Variants in ADSS2 observed in about 807,000 individuals in gnomAD.
ADSS2 encodes adenylosuccinate synthetase isozyme 2.
A neutral mutation model predicts 60.0 loss-of-function variants in ADSS2; 30 were observed. That is an observed-to-expected ratio of 0.50 (90% CI 0.37 to 0.68). The LOEUF (loss-of-function observed/expected upper bound fraction) is 0.68. Ranked by LOEUF, ADSS2 falls within the 30% of genes least tolerant of loss-of-function variation. ADSS2 has a pLI of 0.00. For synonymous variants in ADSS2, 187 were observed against 193.1 expected, an observed-to-expected ratio of 0.97 and a Z score of 0.26; for missense variants, 373 against 554.8, an observed-to-expected ratio of 0.67 and a Z score of 3.29.
chr1:244,412,088 GC>G (rs1241981667), intron 11 of ADSS2, among the ~76,000 whole-genome samples: 10 of 152,238 alleles, frequency 6.6e-5, no homozygotes, highest in Admixed American at 2.6e-4. Flanking sequence ...GGGAGCTGCT[GC>G]CCCCCAGCAG....
intron 11 of ADSS2, among the ~76,000 whole-genome samples, chr1:244,414,737 C>T (rs1195849620): frequency 6.6e-6 from 1 of 152,214 alleles, no homozygotes; most frequent in Non-Finnish European, 1.5e-5. Context: ...GGGAGTACTG[C>T]ATGTTGCTGA....
intron 11 of ADSS2, among the ~76,000 whole-genome samples, chr1:244,413,644 G>A (rs1192457070): frequency 6.6e-6 from 1 of 152,064 alleles, no homozygotes; most frequent in Non-Finnish European, 1.5e-5. Flanking sequence ...AGAGAGAAGG[G>A]CCCCCCAGAA....
At chr1:244,449,160 C>T (rs564848475) in intron 1 of ADSS2, among the ~76,000 whole-genome samples, 6 of 152,246 alleles carry the variant, frequency 3.9e-5, no homozygotes, top group Admixed American at 1.3e-4. Context: ...AGAGTGAAAA[C>T]GCCACTAGGT....
chr1:244,411,821 A>G (rs1664424486), intron 11 of ADSS2, among the ~76,000 whole-genome samples: 1 of 152,226 alleles, frequency 6.6e-6, no homozygotes, highest in African/African-American at 2.4e-5. Flanking sequence ...AACTTCACAG[A>G]AAGAAGGCCT....
intron 3 of ADSS2, among the ~76,000 whole-genome samples, chr1:244,433,302 T>C (rs1408381450): frequency 6.6e-6 from 1 of 152,246 alleles, no homozygotes; most frequent in African/African-American, 2.4e-5. Flanking sequence ...TCTTTTCTTC[T>C]GTATAGGAAA....
chr1:244,420,042 T>C, intron 8 of ADSS2, 128 bp downstream of exon 8: 1 of 970,940 alleles, frequency 1.0e-6, no homozygotes, highest in South Asian at 2.2e-5. Context: ...ATGACAAATT[T>C]CATCATTCCT....
chr1:244,437,613 C>A, intron 2 of ADSS2, 53 bp downstream of exon 2: 1 of 1,235,686 alleles, frequency 8.1e-7, no homozygotes, highest in Non-Finnish European at 1.2e-6. Flanking sequence ...AAAATAAACG[C>A]CATTATCAAC....
chr1:244,449,053 C>G (rs1665468528), intron 1 of ADSS2, among the ~76,000 whole-genome samples: 2 of 152,142 alleles, frequency 1.3e-5, no homozygotes, highest in South Asian at 4.1e-4. Context: ...TCCTTTGATG[C>G]AAGTCCTACA....
intron 4 of ADSS2, 43 bp from the exon 5 acceptor site, chr1:244,424,430 C>T (rs1664749180): frequency 6.5e-7 from 1 of 1,529,892 alleles, no homozygotes; most frequent in Non-Finnish European, 9.0e-7. Flanking sequence ...AAAGATAATA[C>T]ACAAAAGCAA....
intron 11 of ADSS2, among the ~76,000 whole-genome samples, chr1:244,412,287 T>C (rs967573252): frequency 6.6e-6 from 1 of 152,226 alleles, no homozygotes; most frequent in Non-Finnish European, 1.5e-5. Context: ...CCCTCACAGA[T>C]GTTGTTGCTC....
chr1:244,430,257 A>C (rs555822840), intron 4 of ADSS2, among the ~76,000 whole-genome samples: 1 of 152,174 alleles, frequency 6.6e-6, no homozygotes, highest in Non-Finnish European at 1.5e-5. Flanking sequence ...GTCTAAAGTA[A>C]TTAAGTAACT....
Position 244,443,763 on chromosome 1 carries a change from G to A in ADSS2, c.184-5995C>T, listed in dbSNP as rs376652784. ...AGTAGGTGGTACTGACTATTCCACA[G>A]ATGGGGAGGCCTAGGCACGGAAAGG... On this transcript the variant is annotated intron_variant, in intron 1 of 12. Transcript: ENST00000366535. Among the ~76,000 whole-genome samples the A allele has an allele frequency of 7.9e-5, 12 of 152,288 alleles. No homozygotes were observed. The East Asian group carries it at 2.3e-3, about 29-fold the overall frequency.
At chr1:244,440,660 T>C (rs1403897119) in intron 1 of ADSS2, among the ~76,000 whole-genome samples, 3 of 152,204 alleles carry the variant, frequency 2.0e-5, no homozygotes, top group Non-Finnish European at 4.4e-5. Context: ...TCTCATACCC[T>C]TGCTGTAAGA....
At chr1:244,412,594 T>C (rs1664440164) in intron 11 of ADSS2, among the ~76,000 whole-genome samples, 1 of 152,222 alleles carries the variant, frequency 6.6e-6, no homozygotes, top group Non-Finnish European at 1.5e-5. Flanking sequence ...TAATGAAACC[T>C]GTCTGGCAGA....
intron 3 of ADSS2, among the ~76,000 whole-genome samples, chr1:244,433,159 C>T (rs1223717979): frequency 6.6e-6 from 1 of 152,024 alleles, no homozygotes; most frequent in Non-Finnish European, 1.5e-5. Context: ...TCACTTGAAC[C>T]CAGGAGGCAG....
At chr1:244,426,438 T>C (rs1248812381) in intron 4 of ADSS2, among the ~76,000 whole-genome samples, 1 of 152,108 alleles carries the variant, frequency 6.6e-6, no homozygotes, top group Non-Finnish European at 1.5e-5. Context: ...ATTACTTTCA[T>C]AAGACTTCAC....
At chr1:244,450,330 G>A (rs1396853467) in intron 1 of ADSS2, among the ~76,000 whole-genome samples, 5 of 152,222 alleles carry the variant, frequency 3.3e-5, no homozygotes, top group Admixed American at 3.3e-4. Context: ...GAAGGAGGGA[G>A]AGGTGGTAGT....
chr1:244,437,293 T>G (rs1328353396), intron 2 of ADSS2, among the ~76,000 whole-genome samples: 1 of 152,142 alleles, frequency 6.6e-6, no homozygotes, highest in Non-Finnish European at 1.5e-5. Flanking sequence ...ATTGCATCAT[T>G]TATTGTAAGG....
chr1:244,444,057 A>G (rs1665319436), intron 1 of ADSS2, among the ~76,000 whole-genome samples: 1 of 152,240 alleles, frequency 6.6e-6, no homozygotes, highest in Non-Finnish European at 1.5e-5. Context: ...GCATAAGCTT[A>G]TAATGCCTTA....
Sources: gnomAD v4.1 joint callset for allele counts (sites outside exome capture counted in the v4.1 genomes callset) on GRCh38, gnomAD v4.1.1 for gene constraint, MANE v1.5 for transcripts, NCBI Gene and HGNC (gene_info 2026-07-23, HGNC 2026-07-21) for gene names.